SNX14: variants seen among roughly 807,000 people sequenced by gnomAD.
SNX14 encodes sorting nexin 14.
In SNX14, 93 loss-of-function variants were observed where a neutral mutation model predicts 133.8. That is an observed-to-expected ratio of 0.70 (90% CI 0.59 to 0.83). The LOEUF (loss-of-function observed/expected upper bound fraction) is 0.83, where lower values mean the gene tolerates loss of function less well. Ranked by LOEUF, SNX14 falls within the 40% of genes least tolerant of loss-of-function variation. The pLI, the probability that SNX14 is intolerant of heterozygous loss-of-function variation, is 0.00. For missense variants in SNX14, 945 were observed against 1,094.9 expected, an observed-to-expected ratio of 0.86 and a Z score of 1.93; for synonymous variants, 368 against 365.6, an observed-to-expected ratio of 1.01 and a Z score of -0.07.
At chr6:85,566,930 A>G (rs911585486) in intron 5 of SNX14, among the ~76,000 whole-genome samples, 1 of 152,154 alleles carries the variant, frequency 6.6e-6, no homozygotes, top group Non-Finnish European at 1.5e-5. Context: ...TGTATCTTCA[A>G]AAGCACAAGG....
chr6:85,521,538 CT>C (rs901104293), intron 21 of SNX14, among the ~76,000 whole-genome samples: 2 of 152,146 alleles, frequency 1.3e-5, no homozygotes, highest in East Asian at 3.8e-4. Context: ...ATTCTCTCCC[CT>C]TGTACAGGTT....
At chr6:85,544,937 T>C (rs1294863921) in intron 12 of SNX14, among the ~76,000 whole-genome samples, 1 of 152,194 alleles carries the variant, frequency 6.6e-6, no homozygotes, top group Non-Finnish European at 1.5e-5. Context: ...AAAATGAATG[T>C]GTGTGTGCAT....
chr6:85,511,104 A>G (rs1367495451), intron 26 of SNX14, among the ~76,000 whole-genome samples: 1 of 152,188 alleles, frequency 6.6e-6, no homozygotes, highest in Non-Finnish European at 1.5e-5. Flanking sequence ...TTAAAGTTTT[A>G]CAATTTTTCT....
chr6:85,579,143 A>G (rs1798269076), intron 1 of SNX14, among the ~76,000 whole-genome samples: 1 of 152,148 alleles, frequency 6.6e-6, no homozygotes, highest in Non-Finnish European at 1.5e-5. Flanking sequence ...GTCTAAAAAA[A>G]AAAAGATTTC....
intron 6 of SNX14, among the ~76,000 whole-genome samples, chr6:85,564,111 T>A (rs1014304711): frequency 5.3e-5 from 8 of 152,244 alleles, no homozygotes; most frequent in African/African-American, 1.9e-4. Context: ...TCATCCTTTT[T>A]TATGGCTGCA....
chr6:85,538,698 G>T, intron 16 of SNX14, 140 bp downstream of exon 16: 1 of 609,504 alleles, frequency 1.6e-6, no homozygotes, highest in Non-Finnish European at 2.8e-6. Context: ...CATTTTAAAA[G>T]ATTATCCTAA....
chr6:85,592,034 A>G (rs1240457949), intron 1 of SNX14, among the ~76,000 whole-genome samples: 1 of 152,128 alleles, frequency 6.6e-6, no homozygotes. Flanking sequence ...TAAAAATAAA[A>G]ATCATATGAA....
In SNX14 at chr6:85,547,151, CT is replaced by C. The variant is rs1456087742; in HGVS notation, c.1068del (p.Glu357LysfsTer11). 1 of 1,613,896 alleles carries C rather than the reference CT, an allele frequency of 6.2e-7. No individual in the cohort carries two copies. The highest frequency in any genetic ancestry group is 1.3e-5 in the African/African-American group (1 of 74,910). On this transcript the variant is annotated frameshift_variant, in exon 12 of 29. Transcript: ENST00000314673. LOFTEE classifies it high-confidence loss of function. The stretch of plus-strand genomic sequence containing the variant: ...AACTGCAACACGTGCACTGCGCCTT[CT>C]TGTTTCAGAAAGTTCATAAAACGAA... ...LLFRFMNFLK[Q>X]EGAVHVLQFC...
At chr6:85,569,956 G>A (rs1276230454) in intron 4 of SNX14, among the ~76,000 whole-genome samples, 1 of 151,998 alleles carries the variant, frequency 6.6e-6, no homozygotes, top group Non-Finnish European at 1.5e-5. Flanking sequence ...CTTTCCTTTT[G>A]AAAGCTCTAC....
At chr6:85,543,508 C>A (rs1784467349) in intron 13 of SNX14, 97 bp downstream of exon 13, 12 of 1,106,276 alleles carry the variant, frequency 1.1e-5, no homozygotes, top group South Asian at 3.2e-5. Context: ...ATAATAGCTG[C>A]CCATGTACTG....
At chr6:85,563,338 A>T (rs1224666547) in intron 6 of SNX14, among the ~76,000 whole-genome samples, 1 of 152,212 alleles carries the variant, frequency 6.6e-6, no homozygotes, top group African/African-American at 2.4e-5. Context: ...ATATACTACA[A>T]ATATATATAG....
intron 26 of SNX14, 69 bp downstream of exon 26, chr6:85,513,731 T>G: frequency 8.6e-7 from 1 of 1,163,790 alleles, no homozygotes. Flanking sequence ...GCTTCAATAA[T>G]TACTATACAT....
intron 17 of SNX14, among the ~76,000 whole-genome samples, chr6:85,534,094 G>T (rs1781081670): frequency 6.6e-6 from 1 of 152,142 alleles, no homozygotes; most frequent in South Asian, 2.1e-4. Context: ...GATTGCTTGG[G>T]CCCAGGAGTT....
chr6:85,584,675 A>G (rs769253801), intron 1 of SNX14, among the ~76,000 whole-genome samples: 2 of 152,264 alleles, frequency 1.3e-5, no homozygotes, highest in Non-Finnish European at 2.9e-5. Context: ...TCATTAGAGA[A>G]ATGCAAATCA....
intron 1 of SNX14, among the ~76,000 whole-genome samples, chr6:85,591,278 A>AT (rs1340982172): frequency 1.3e-5 from 2 of 151,826 alleles, no homozygotes; most frequent in African/African-American, 4.8e-5. Context: ...TTAATCACAC[A>AT]TATACACTGA....
chr6:85,547,629 T>C, intron 9 of SNX14, 79 bp from the exon 10 acceptor site: 1 of 1,203,614 alleles, frequency 8.3e-7, no homozygotes, highest in Non-Finnish European at 1.1e-6. Flanking sequence ...TTGTATCATA[T>C]TATGTAAGTT....
intron 1 of SNX14, among the ~76,000 whole-genome samples, chr6:85,587,965 C>A (rs919251493): frequency 3.3e-5 from 5 of 151,962 alleles, no homozygotes; most frequent in African/African-American, 1.2e-4. Context: ...AGGGGAGGAG[C>A]GGGGGGCAGG....
At chr6:85,546,422 T>C (rs1785499408) in intron 12 of SNX14, among the ~76,000 whole-genome samples, 1 of 152,232 alleles carries the variant, frequency 6.6e-6, no homozygotes, top group Non-Finnish European at 1.5e-5. Flanking sequence ...TCTATAATGC[T>C]ACAGAGCTTA....
In SNX14 at chr6:85,557,967, C is replaced by G; in HGVS notation, c.634+9G>C. On this transcript the variant is annotated intron_variant, in intron 7 of 28. Coordinates refer to ENST00000314673, the MANE Select transcript of SNX14 (RefSeq NM_153816.6). The stretch of plus-strand genomic sequence containing the variant: ...AAATTACTCAAACTGTAGTAGAAAA[C>G]TGTATTACCTTTCTGTCTGGCTTTA... The G allele has an allele frequency of 6.6e-7, 1 of 1,525,660 alleles. No homozygotes were observed. The highest frequency in any genetic ancestry group is 9.0e-7 in the Non-Finnish European group (1 of 1,110,438). The allele number at this position is 1,525,660 out of a possible 1,614,324, so 94.5% of individuals were successfully genotyped here. A position where few individuals can be genotyped will look rare whatever the true frequency, so the allele number is the denominator to read the frequency against.
Sources: gnomAD v4.1 joint callset for allele counts (sites outside exome capture counted in the v4.1 genomes callset) on GRCh38, gnomAD v4.1.1 for gene constraint, MANE v1.5 for transcripts, NCBI Gene and HGNC (gene_info 2026-07-23, HGNC 2026-07-21) for gene names.